Variants in RMND5A observed in about 807,000 individuals in gnomAD.
RMND5A encodes required for meiotic nuclear division 5 homolog A.
RMND5A carries 17 observed loss-of-function variants against 49.7 expected under a neutral mutation model. The observed-to-expected ratio is 0.34, with a 90% CI of 0.23 to 0.51. The LOEUF is 0.51. Ranked by LOEUF, RMND5A falls within the 20% of genes least tolerant of loss-of-function variation. The probability of loss-of-function intolerance (pLI) is 0.96; values close to 1 mark genes in which losing one functional copy is unlikely to be tolerated. For synonymous variants in RMND5A, 156 were observed against 167.7 expected (o/e 0.93, Z 0.54); for missense variants, 255 against 471.3 (o/e 0.54, Z 4.25).
Position 86,766,034 on chromosome 2 carries a change from T to G in RMND5A, c.854+10T>G. ...CCCCTCTCAGTGTCAGGTATGGAAA[T>G]TAGCCCTGTCTGTTATTGAAGTATG... On this transcript the variant is annotated intron_variant, in intron 6 of 8. Coordinates refer to ENST00000283632, the MANE Select transcript of RMND5A (RefSeq NM_022780.4). 6.2e-7 allele frequency: 1 copy of G among 1,610,284 alleles called. No individual in the cohort carries two copies. Among genetic ancestry groups the G allele is most frequent in the Middle Eastern group, 1.7e-4 (1 of 6,014 alleles).
At chr2:86,759,788 A>G (rs1045726742) in intron 4 of RMND5A, among the ~76,000 whole-genome samples, 16 of 151,984 alleles carry the variant, frequency 1.1e-4, no homozygotes, top group Non-Finnish European at 1.9e-4. Flanking sequence ...CAACAGAATG[A>G]GACTCTGTCT....
intron 2 of RMND5A, among the ~76,000 whole-genome samples, chr2:86,745,007 A>T (rs1466041707): frequency 1.3e-5 from 1 of 75,000 alleles, no homozygotes; most frequent in Non-Finnish European, 2.6e-5. Context: ...GTTCTGTGAC[A>T]ATTTTTTTTT....
intron 2 of RMND5A, among the ~76,000 whole-genome samples, chr2:86,741,852 G>A (rs1681451656): frequency 6.9e-6 from 1 of 144,490 alleles, no homozygotes; most frequent in Middle Eastern, 3.4e-3. Context: ...AAGAACTTTC[G>A]AGGAGTGCCC....
Position 86,720,817 on chromosome 2 carries a change from G to A in RMND5A, c.142+8G>A. ...AGATCCTGCAGAGCCACGGTAGGGCGGCCCGCGTGGGCGCGCGGGGCATGG... is the reference window on the plus strand; with the variant it reads ...AGATCCTGCAGAGCCACGGTAGGGCAGCCCGCGTGGGCGCGCGGGGCATGG... On this transcript the variant is annotated splice_region_variant and intron_variant, in intron 1 of 8. Coordinates refer to ENST00000283632, the MANE Select transcript of RMND5A (RefSeq NM_022780.4). 1.3e-6 allele frequency: 2 copies of A among 1,576,454 alleles called. No homozygotes were observed. Among genetic ancestry groups the A allele is most frequent in the Non-Finnish European group, 1.7e-6 (2 of 1,162,726 alleles).
chr2:86,743,305 G>A (rs1412064378), intron 2 of RMND5A, among the ~76,000 whole-genome samples: 1 of 151,512 alleles, frequency 6.6e-6, no homozygotes, highest in Non-Finnish European at 1.5e-5. Flanking sequence ...GCAGGGGGAT[G>A]TGTTCATGGT....
chr2:86,757,886 T>C, intron 4 of RMND5A, among the ~76,000 whole-genome samples: 1 of 152,206 alleles, frequency 6.6e-6, no homozygotes, highest in East Asian at 1.9e-4. Flanking sequence ...TGAAACAAGC[T>C]TGTGGTAGGC....
At chr2:86,748,322 A>G (rs1681574610) in intron 2 of RMND5A, 1 of 152,240 alleles carries the variant, frequency 6.6e-6, no homozygotes, top group South Asian at 2.1e-4. Context: ...TGTGACCAGA[A>G]AATAAGCTAT....
chr2:86,753,936 G>C (rs1251599251), intron 4 of RMND5A, among the ~76,000 whole-genome samples: 1 of 152,280 alleles, frequency 6.6e-6, no homozygotes, highest in Non-Finnish European at 1.5e-5. Flanking sequence ...AGCATTCTAA[G>C]AAATTATTGG....
chr2:86,749,717 C>T (rs1681600490), intron 2 of RMND5A, among the ~76,000 whole-genome samples: 1 of 152,094 alleles, frequency 6.6e-6, no homozygotes, highest in Admixed American at 6.6e-5. Flanking sequence ...AGGTTAAATA[C>T]TTGGCTAAGA....
chr2:86,759,030 GC>G (rs1011961400), intron 4 of RMND5A, among the ~76,000 whole-genome samples: 3 of 152,144 alleles, frequency 2.0e-5, no homozygotes, highest in African/African-American at 7.2e-5. Context: ...GTTTTTGTAA[GC>G]CTTTAAATGC....
chr2:86,769,413 TG>T (rs1672650747), intron 6 of RMND5A, among the ~76,000 whole-genome samples: 1 of 152,214 alleles, frequency 6.6e-6, no homozygotes, highest in East Asian at 1.9e-4. Context: ...TGGTGGTATA[TG>T]GTCTGTAAGG....
At chr2:86,760,039 C>G (rs1337644726) in intron 4 of RMND5A, among the ~76,000 whole-genome samples, 1 of 151,854 alleles carries the variant, frequency 6.6e-6, no homozygotes, top group Admixed American at 6.6e-5. Context: ...TCCTTTCTCT[C>G]CTGTTTGTAT....
Position 86,753,338 on chromosome 2 carries a change from A to G in RMND5A, c.421-120A>G, listed in dbSNP as rs1681670088. On this transcript the variant is annotated intron_variant, in intron 3 of 8. Transcript: ENST00000283632. ...TACTAGGGGGCAGTCATCAGTCTCT[A>G]CTATAGGGAATTATCTTTAATGGCT... The G allele has an allele frequency of 1.3e-5, 8 of 633,374 alleles. No individual in the cohort carries two copies. In the Admixed American group the frequency reaches 2.2e-4, roughly 17 times the overall value. 39.2% of individuals were successfully genotyped at this position (633,374 alleles called of 1,614,324 possible). A position where few individuals can be genotyped will look rare whatever the true frequency, so the allele number is the denominator to read the frequency against.
intron 4 of RMND5A, among the ~76,000 whole-genome samples, chr2:86,757,724 C>T (rs1681768285): frequency 6.6e-6 from 1 of 152,194 alleles, no homozygotes; most frequent in South Asian, 2.1e-4. Flanking sequence ...GCTGGATTTG[C>T]CACAGTCTAG....
chr2:86,766,576 A>G (rs1014670484), intron 6 of RMND5A, among the ~76,000 whole-genome samples: 3 of 150,634 alleles, frequency 2.0e-5, no homozygotes, highest in Non-Finnish European at 4.4e-5. Flanking sequence ...AGGCAGAAGA[A>G]TCGCTTGAAC....
At chr2:86,772,518 C>A (rs1672701094) in intron 8 of RMND5A, among the ~76,000 whole-genome samples, 1 of 151,562 alleles carries the variant, frequency 6.6e-6, no homozygotes. Flanking sequence ...TTATCTATAC[C>A]TGATACATAA....
rs1417967996 is a variant in RMND5A, at chr2:86,774,516, T to G, written c.*1105T>G. ...TCATTGACTGTGAATCTGTATATTATTCTGATGGATACAGATAATGATCTT... is the reference window on the plus strand; with the variant it reads ...TCATTGACTGTGAATCTGTATATTAGTCTGATGGATACAGATAATGATCTT... On this transcript the variant is annotated 3_prime_UTR_variant, in exon 9 of 9. Coordinates refer to ENST00000283632, the MANE Select transcript of RMND5A (RefSeq NM_022780.4). 3.9e-5 allele frequency: 6 copies of G among 152,692 alleles called. No homozygotes were observed. The highest frequency in any genetic ancestry group is 7.2e-5 in the African/African-American group (3 of 41,476). 9.5% of individuals were successfully genotyped at this position (152,692 alleles called of 1,614,324 possible).
Position 86,725,634 on chromosome 2 carries a change from A to C in RMND5A, c.142+4825A>C, listed in dbSNP as rs1281818021. On this transcript the variant is annotated intron_variant, in intron 1 of 8. Transcript: ENST00000283632. ...TTGAACACCTGACCTCAAGCAGTCC[A>C]CGCGCCTCGGCCTTCCAAACTGCAG... is the stretch of plus-strand genomic sequence containing the variant. Among the ~76,000 whole-genome samples, 18 of 78,318 alleles carry C rather than the reference A, an allele frequency of 2.3e-4. 7 individuals are homozygous for C. The highest frequency in any genetic ancestry group is 4.2e-4 in the Non-Finnish European group (16 of 37,970). The allele number at this position is 78,318 out of a possible 152,430, so 51.4% of individuals were successfully genotyped here.
intron 4 of RMND5A, among the ~76,000 whole-genome samples, chr2:86,754,142 A>G (rs569916921): frequency 6.6e-6 from 1 of 152,338 alleles, no homozygotes; most frequent in South Asian, 2.1e-4. Flanking sequence ...CAAGTAGGAA[A>G]TATTTTAGGC....
Sources: allele counts gnomAD v4.1 joint callset (sites outside exome capture counted in the v4.1 genomes callset), GRCh38; gene constraint gnomAD v4.1.1; transcripts MANE v1.5; gene names NCBI Gene and HGNC (gene_info 2026-07-23, HGNC 2026-07-21).